The following COL15A1 variants were observed in gnomAD, a reference collection of about 807,000 sequenced individuals.
The protein encoded by COL15A1 is collagen alpha-1(XV) chain.
COL15A1 carries 111 observed loss-of-function variants against 165.9 expected under a neutral mutation model. The observed-to-expected ratio is 0.67, with a 90% confidence interval of 0.57 to 0.78. The LOEUF is 0.78. Among genes scored for constraint, COL15A1 ranks in the 30% least tolerant of loss-of-function variants. The pLI is 0.00. For missense variants in COL15A1, 1,745 were observed against 1,789.7 expected (o/e 0.98, Z 0.45); for synonymous variants, 659 against 674.8 (o/e 0.98, Z 0.36).
intron 2 of COL15A1, among the ~76,000 whole-genome samples, chr9:98,961,484 T>A (rs1320813670): frequency 1.3e-5 from 2 of 152,074 alleles, no homozygotes; most frequent in African/African-American, 4.8e-5. Flanking sequence ...GTGGGGATGA[T>A]GGGCTGGAAG....
chr9:99,003,516 G>A lies in COL15A1; in HGVS notation c.1129G>A (p.Ala377Thr). ...VPISTAGEAE[A>T]SSVPTGGPTL... ...CATCAGCACTGCTGGAGAAGCAGAGGCCAGCAGTGTGCCCACCGGGGGACC... is the reference window on the plus strand; with the variant it reads ...CATCAGCACTGCTGGAGAAGCAGAGACCAGCAGTGTGCCCACCGGGGGACC... The change falls in exon 8 of 42, where the codon GCC becomes ACC. Residue 377 changes from alanine to threonine, a missense_variant. By Grantham distance (58) the Ala-to-Thr change is moderately conservative. Transcript: ENST00000375001. 3 of 1,573,558 alleles carry A rather than the reference G, an allele frequency of 1.9e-6. 1 individual carries two copies. The highest frequency in any genetic ancestry group is 8.6e-7 in the Non-Finnish European group (1 of 1,159,642).
intron 16 of COL15A1, among the ~76,000 whole-genome samples, chr9:99,033,301 C>A (rs1839238944): frequency 6.7e-6 from 1 of 150,180 alleles, no homozygotes; most frequent in Non-Finnish European, 1.5e-5. Context: ...TCCTAGTCAT[C>A]TGGGGCTCTG....
chr9:99,037,705 G>A (rs1839326624), intron 21 of COL15A1, among the ~76,000 whole-genome samples: 1 of 152,224 alleles, frequency 6.6e-6, no homozygotes, highest in African/African-American at 2.4e-5. Flanking sequence ...GAACAAGGGA[G>A]AAAAGACTGT....
intron 9 of COL15A1, 68 bp from the exon 10 acceptor site, chr9:99,015,349 A>G: frequency 9.3e-7 from 1 of 1,072,654 alleles, no homozygotes; most frequent in Non-Finnish European, 1.4e-6. Context: ...TCCACCCCCC[A>G]GCCTCACACC....
chr9:98,963,241 G>T, intron 2 of COL15A1, among the ~76,000 whole-genome samples: 1 of 151,484 alleles, frequency 6.6e-6, no homozygotes, highest in African/African-American at 2.4e-5. Flanking sequence ...TAGGTAGCTA[G>T]GACCCACTGG....
intron 5 of COL15A1, among the ~76,000 whole-genome samples, chr9:98,995,467 G>A (rs1044191873): frequency 1.3e-5 from 2 of 152,154 alleles, no homozygotes; most frequent in African/African-American, 4.8e-5. Flanking sequence ...GTGGCTGCCT[G>A]TGGCCCTTGG....
At chr9:99,028,607 G>A (rs893635828) in intron 16 of COL15A1, among the ~76,000 whole-genome samples, 8 of 152,022 alleles carry the variant, frequency 5.3e-5, no homozygotes, top group African/African-American at 1.7e-4. Context: ...CCGAGATCGC[G>A]CCACTGCACT....
rs1839605786 is a variant in COL15A1, at chr9:99,052,430, C to A, written c.2947C>A (p.His983Asn). 2 of 1,602,266 alleles carry A rather than the reference C, an allele frequency of 1.2e-6. No homozygotes were observed. Among genetic ancestry groups the A allele is most frequent in the Non-Finnish European group, 1.7e-6 (2 of 1,169,308 alleles). ...TGGGAGTCCAGAGCTCATCACTTTT[C>A]ACGGTATACACTCCCTTCTTCATCA... ...HPGSPELITF[H>N]GVKGEKGSWG... Residue 983 changes from histidine (H) to asparagine (N), a missense_variant, in exon 31 of 42, where the codon CAC becomes AAC. His to Asn is a moderately conservative substitution (Grantham distance 68, BLOSUM62 1). Coordinates refer to ENST00000375001, the MANE Select transcript of COL15A1 (RefSeq NM_001855.5).
chr9:99,016,231 A>C, intron 11 of COL15A1, 112 bp downstream of exon 11: 1 of 1,374,390 alleles, frequency 7.3e-7, no homozygotes, highest in Non-Finnish European at 9.6e-7. Context: ...GTAGGTTTTC[A>C]TGTTGGTTTG....
chr9:98,999,643 T>C (rs1432081629), intron 6 of COL15A1, among the ~76,000 whole-genome samples: 1 of 151,312 alleles, frequency 6.6e-6, no homozygotes, highest in Non-Finnish European at 1.5e-5. Context: ...CTTAGGCTCC[T>C]GAGCAGCTGG....
intron 2 of COL15A1, among the ~76,000 whole-genome samples, chr9:98,983,764 T>C (rs952954217): frequency 1.3e-5 from 2 of 152,210 alleles, no homozygotes; most frequent in Admixed American, 1.3e-4. Flanking sequence ...GGGGTTTCCG[T>C]GGACGGTCTC....
chr9:99,068,467 CAAA>C (rs34451429), intron 40 of COL15A1, 85 bp from the exon 41 acceptor site: 5,436 of 268,174 alleles, frequency 0.02, no homozygotes, highest in South Asian at 0.031. Flanking sequence ...GAAACTGTGT[CAAA>C]AAAAAAAAAA....
At chr9:98,993,456 G>C (rs1435525478) in intron 5 of COL15A1, among the ~76,000 whole-genome samples, 1 of 152,170 alleles carries the variant, frequency 6.6e-6, no homozygotes, top group Non-Finnish European at 1.5e-5. Flanking sequence ...GAGGCCTGAT[G>C]GTCCTGACCT....
rs772130405 is a variant in COL15A1, at chr9:98,985,942, A to C, written c.478A>C (p.Arg160=). 4.3e-6 allele frequency: 7 copies of C among 1,613,986 alleles called. No individual in the cohort carries two copies. In the East Asian group the frequency reaches 1.6e-4, roughly 36 times the overall value. The change falls in exon 3 of 42, where the codon AGG becomes CGG. Residue 160 remains arginine, a synonymous_variant. Transcript: ENST00000375001. The stretch of plus-strand genomic sequence containing the variant: ...CTTCTCGGTGCCTGTGATGACCCAC[A>C]GGTGGAACCGCTTCGCCATGATTGT... The part of the protein sequence containing the change: ...AAFSVPVMTH[R]WNRFAMIVQG...
Position 99,055,380 on chromosome 9 carries a change from G to A in COL15A1, c.3192+8G>A. 1 of 1,564,878 alleles carries A rather than the reference G, an allele frequency of 6.4e-7. No individual in the cohort carries two copies. The highest frequency in any genetic ancestry group is 1.1e-5 in the South Asian group (1 of 90,080). On this transcript the variant is annotated splice_region_variant and intron_variant, in intron 34 of 41. Coordinates refer to ENST00000375001, the MANE Select transcript of COL15A1 (RefSeq NM_001855.5). ...GGAAATCCAGGCCCGGCTGTGAGTA[G>A]AGACCCCTCCAAGTCATCTACCCCA... is the stretch of plus-strand genomic sequence containing the variant.
chr9:99,057,611 G>A (rs1825741188), intron 35 of COL15A1, among the ~76,000 whole-genome samples: 1 of 152,140 alleles, frequency 6.6e-6, no homozygotes, highest in African/African-American at 2.4e-5. Context: ...GGAAAGTGAG[G>A]CCCAGAGACA....
In COL15A1 at chr9:99,044,782, C is replaced by T. The variant is rs775152823; in HGVS notation, c.2679+12C>T. ...CCCCAGGACCAATGGTAAGTCAGAGCGTCTCTCAGCTGGATCTGGGCTGGG... is the reference window on the plus strand; with the variant it reads ...CCCCAGGACCAATGGTAAGTCAGAGTGTCTCTCAGCTGGATCTGGGCTGGG... On this transcript the variant is annotated intron_variant, in intron 26 of 41. Transcript: ENST00000375001. 1.7e-5 allele frequency: 27 copies of T among 1,610,846 alleles called. No individual in the cohort carries two copies. Among genetic ancestry groups the T allele is most frequent in the Non-Finnish European group, 2.0e-5 (23 of 1,177,246 alleles).
At chr9:98,970,494 A>G (rs1225148624) in intron 2 of COL15A1, among the ~76,000 whole-genome samples, 1 of 152,242 alleles carries the variant, frequency 6.6e-6, no homozygotes, top group Non-Finnish European at 1.5e-5. Flanking sequence ...AGGAGAAGAC[A>G]GTGTGGGCTT....
intron 2 of COL15A1, among the ~76,000 whole-genome samples, chr9:98,950,556 C>CTTCT: frequency 1.2e-5 from 1 of 80,168 alleles, no homozygotes; most frequent in South Asian, 5.2e-4. Flanking sequence ...CTTCCCCTTC[C>CTTCT]TTCCTTCCTT....
Sources: gnomAD v4.1 joint callset for allele counts (sites outside exome capture counted in the v4.1 genomes callset) on GRCh38, gnomAD v4.1.1 for gene constraint, MANE v1.5 for transcripts, NCBI Gene and HGNC (gene_info 2026-07-23, HGNC 2026-07-21) for gene names.